ZMYM4: variants seen among roughly 807,000 people sequenced by gnomAD.
The protein encoded by ZMYM4 is zinc finger MYM-type containing 4.
ZMYM4 carries 31 observed loss-of-function variants against 183.2 expected under a neutral mutation model. That is an observed-to-expected ratio of 0.17 (90% CI 0.13 to 0.23). ZMYM4 has a LOEUF of 0.23. Ranked by LOEUF, ZMYM4 falls within the 10% of genes least tolerant of loss-of-function variation. The pLI is 1.00. For missense variants in ZMYM4, 1,273 were observed against 1,840.3 expected (o/e 0.69, Z 5.64); for synonymous variants, 592 against 631.2 (o/e 0.94, Z 0.93).
chr1:35,328,114 C>T (rs987782308), intron 2 of ZMYM4, among the ~76,000 whole-genome samples: 1 of 152,154 alleles, frequency 6.6e-6, no homozygotes, highest in Non-Finnish European at 1.5e-5. Flanking sequence ...GCAGTAAAAA[C>T]ATTCTTAAAG....
At chr1:35,284,492 T>C (rs1299986651) in intron 1 of ZMYM4, among the ~76,000 whole-genome samples, 1 of 152,218 alleles carries the variant, frequency 6.6e-6, no homozygotes, top group Non-Finnish European at 1.5e-5. Flanking sequence ...CCAGTTTCAA[T>C]CTTTTGTGTA....
At chr1:35,316,024 A>G (rs1317858185) in intron 1 of ZMYM4, among the ~76,000 whole-genome samples, 1 of 152,232 alleles carries the variant, frequency 6.6e-6, no homozygotes, top group Non-Finnish European at 1.5e-5. Flanking sequence ...AGTTTTCTTA[A>G]CAAGTATTCA....
chr1:35,390,362 G>A (rs2148988991), intron 15 of ZMYM4, among the ~76,000 whole-genome samples: 1 of 152,186 alleles, frequency 6.6e-6, no homozygotes, highest in African/African-American at 2.4e-5. Flanking sequence ...TCTGAAAAGA[G>A]TCAGTGAAGG....
At chr1:35,335,820 G>T (rs1449296109) in intron 2 of ZMYM4, among the ~76,000 whole-genome samples, 1 of 152,098 alleles carries the variant, frequency 6.6e-6, no homozygotes, top group Non-Finnish European at 1.5e-5. Context: ...GGACGTGATG[G>T]CAGGCGCATG....
intron 1 of ZMYM4, among the ~76,000 whole-genome samples, chr1:35,324,000 T>C (rs1172151360): frequency 6.6e-6 from 1 of 152,218 alleles, no homozygotes; most frequent in Non-Finnish European, 1.5e-5. Flanking sequence ...TAAATGTGTT[T>C]ATAAATTACC....
intron 1 of ZMYM4, 39 bp from the exon 2 acceptor site, chr1:35,325,321 A>T (rs910137368): frequency 1.1e-5 from 18 of 1,574,464 alleles, no homozygotes; most frequent in Non-Finnish European, 1.5e-5. Context: ...GATAGAAGAT[A>T]TGATGGTAAT....
rs1046308326 is a variant in ZMYM4 at position 35,421,265 on chromosome 1, G to T, written c.*1588G>T. ...ACTTGGTGGTTCTGTCCCTCTGCCT[G>T]TAACAAATCTCATTTTTGTTACCAA... On this transcript the variant is annotated 3_prime_UTR_variant, in exon 30 of 30. Transcript: ENST00000314607. The T allele has an allele frequency of 6.6e-6, 1 of 152,562 alleles. No homozygotes were observed. The highest frequency in any genetic ancestry group is 2.4e-5 in the African/African-American group (1 of 41,436). The allele number at this position is 152,562 out of a possible 1,614,324, so 9.5% of individuals were successfully genotyped here. A position where few individuals can be genotyped will look rare whatever the true frequency, so the allele number is the denominator to read the frequency against.
At chr1:35,312,543 T>A (rs1228043865) in intron 1 of ZMYM4, among the ~76,000 whole-genome samples, 1 of 152,238 alleles carries the variant, frequency 6.6e-6, no homozygotes, top group Non-Finnish European at 1.5e-5. Context: ...GAATTTCGTG[T>A]TTAATCTGTC....
intron 1 of ZMYM4, among the ~76,000 whole-genome samples, chr1:35,323,305 CAA>C: frequency 6.6e-6 from 1 of 151,986 alleles, no homozygotes; most frequent in African/African-American, 2.4e-5. Flanking sequence ...CCCGGCTGGA[CAA>C]CTCCTTTGAA....
chr1:35,362,784 C>T (rs1157236176), intron 5 of ZMYM4, among the ~76,000 whole-genome samples: 1 of 152,026 alleles, frequency 6.6e-6, no homozygotes, highest in Non-Finnish European at 1.5e-5. Context: ...CTCACTGCAG[C>T]CTCAACCTCC....
chr1:35,358,817 C>G, intron 2 of ZMYM4, 108 bp from the exon 3 acceptor site: 5 of 878,900 alleles, frequency 5.7e-6, no homozygotes, highest in Non-Finnish European at 8.6e-6. Flanking sequence ...ATGGTAATAT[C>G]TGTATTTTGT....
intron 15 of ZMYM4, 52 bp from the exon 16 acceptor site, chr1:35,392,160 T>C (rs1644719650): frequency 2.5e-6 from 4 of 1,608,098 alleles, no homozygotes; most frequent in African/African-American, 1.3e-5. Context: ...GGTTTCTGTG[T>C]AAGTACATAT....
rs771714564 is a variant in ZMYM4, at chr1:35,292,250, C to T, written c.39+23165C>T. The T allele has an allele frequency of 4.0e-5, 6 of 151,832 alleles. 1 individual carries two copies. In the South Asian group the frequency reaches 8.3e-4, roughly 21 times the overall value. 9.4% of individuals were successfully genotyped at this position (151,832 alleles called of 1,614,324 possible). On this transcript the variant is annotated intron_variant, in intron 1 of 29. Coordinates refer to ENST00000314607, the MANE Select transcript of ZMYM4 (RefSeq NM_005095.3). ...CTGGAACGCAGTAGCTAATCTCAGG[C>T]GCGACCCCACTACTGATCAGTATGG...
At position 35,399,088 on chromosome 1, in the gene ZMYM4, A is replaced by C. The variant is rs770838734; in HGVS notation, c.3433+45A>C. The C allele has an allele frequency of 1.9e-6, 3 of 1,583,214 alleles. 1 individual carries two copies. The South Asian group carries it at 3.4e-5, about 18-fold the overall frequency. ...TCCACTGAAAGCTTTTTATTTTAAA[A>C]GATCGGTACAACTCTGAATTGACAC... On this transcript the variant is annotated intron_variant, in intron 22 of 29. Transcript: ENST00000314607.
At chr1:35,410,355 A>C (rs1283428035) in intron 26 of ZMYM4, among the ~76,000 whole-genome samples, 1 of 152,086 alleles carries the variant, frequency 6.6e-6, no homozygotes, top group African/African-American at 2.4e-5. Flanking sequence ...TATATTCTAG[A>C]TATTAAACTT....
chr1:35,388,061 A>G (rs576810149), intron 13 of ZMYM4, among the ~76,000 whole-genome samples: 52 of 152,334 alleles, frequency 3.4e-4, no homozygotes, highest in Admixed American at 6.5e-4. Context: ...ACTCTTCTAT[A>G]TGTTTATAAT....
At chr1:35,269,614 G>A (rs1639495606) in intron 1 of ZMYM4, among the ~76,000 whole-genome samples, 1 of 152,104 alleles carries the variant, frequency 6.6e-6, no homozygotes, top group South Asian at 2.1e-4. Context: ...TGAAGAAGTG[G>A]GATCGTTGGC....
Position 35,286,494 on chromosome 1 carries a change from G to A in ZMYM4, c.39+17409G>A, listed in dbSNP as rs183385642. Among the ~76,000 whole-genome samples the A allele has an allele frequency of 2.0e-5, 3 of 152,128 alleles. No individual in the cohort carries two copies. In the East Asian group the frequency reaches 5.8e-4, roughly 29 times the overall value. Reference sequence around the variant, plus strand: ...TGGAAGATGTTATCTGGAGACCACAGCCTGAACTCAGACAAGCTTTTTGAA... The same window carrying A: ...TGGAAGATGTTATCTGGAGACCACAACCTGAACTCAGACAAGCTTTTTGAA... On this transcript the variant is annotated intron_variant, in intron 1 of 29. Coordinates refer to ENST00000314607, the MANE Select transcript of ZMYM4 (RefSeq NM_005095.3).
At chr1:35,356,877 G>T (rs746817784) in intron 2 of ZMYM4, among the ~76,000 whole-genome samples, 30 of 151,380 alleles carry the variant, frequency 2.0e-4, no homozygotes, top group Non-Finnish European at 3.8e-4. Flanking sequence ...CTTGAGCAAA[G>T]CTCAGAAAAA....
Sources: gnomAD v4.1 joint callset for allele counts (sites outside exome capture counted in the v4.1 genomes callset) on GRCh38, gnomAD v4.1.1 for gene constraint, MANE v1.5 for transcripts, NCBI Gene and HGNC (gene_info 2026-07-23, HGNC 2026-07-21) for gene names.